SMC3: variants seen among roughly 807,000 people sequenced by gnomAD.
SMC3 encodes the protein structural maintenance of chromosomes 3.
In SMC3, 20 loss-of-function variants were observed where a neutral mutation model predicts 171.8. That is an observed-to-expected ratio of 0.12 (90% CI 0.08 to 0.17). The LOEUF (loss-of-function observed/expected upper bound fraction) is 0.17. Among genes scored for constraint, SMC3 ranks in the 10% least tolerant of loss-of-function variants. The pLI is 1.00. For missense variants in SMC3, 543 were observed against 1,420.4 expected (o/e 0.38, Z 9.93); for synonymous variants, 464 against 451.1 (o/e 1.03, Z -0.36).
Position 110,581,901 on chromosome 10 carries a change from C to G in SMC3, c.548-22C>G, listed in dbSNP as rs373665770. 345 of 1,598,092 alleles carry G rather than the reference C, an allele frequency of 2.2e-4. 1 individual carries two copies. The highest frequency in any genetic ancestry group is 2.9e-4 in the Non-Finnish European group (336 of 1,166,350). ...TAAAAATCTTATTCAATTCTTCCAC[C>G]TCTCTCCCCATTTCTTTTAAGAGGG... On this transcript the variant is annotated intron_variant, in intron 8 of 28. Coordinates refer to ENST00000361804, the MANE Select transcript of SMC3 (RefSeq NM_005445.4).
rs1319128038 is a variant in SMC3, at chr10:110,584,321, A to G, written c.1230A>G (p.Lys410=). The change falls in exon 13 of 29, where the codon AAA becomes AAG. Residue 410 remains lysine, a synonymous_variant. Transcript: ENST00000361804. ...TAGATCAGGCTATTAATGACAAGAA[A>G]AGACAGATTGCTGCTATACATAAGG... is the stretch of plus-strand genomic sequence containing the variant. The part of the protein sequence containing the change: ...KSLDQAINDK[K]RQIAAIHKDL... 1.2e-6 allele frequency: 2 copies of G among 1,614,078 alleles called. No homozygotes were observed. The highest frequency in any genetic ancestry group is 2.2e-5 in the East Asian group (1 of 44,862).
chr10:110,580,065 TAAG>T (rs899416558), intron 7 of SMC3, among the ~76,000 whole-genome samples: 1 of 152,136 alleles, frequency 6.6e-6, no homozygotes, highest in Non-Finnish European at 1.5e-5. Flanking sequence ...AACAGTACAA[TAAG>T]AAATAATACA....
intron 1 of SMC3, 54 bp downstream of exon 1, chr10:110,567,885 G>C: frequency 6.2e-7 from 1 of 1,606,820 alleles, no homozygotes; most frequent in South Asian, 1.1e-5. Flanking sequence ...GCCGCTCCTT[G>C]AGGCGGGAGT....
At position 110,601,839 on chromosome 10, in the gene SMC3, T is replaced by G; in HGVS notation, c.2847T>G (p.Leu949=). 6.2e-7 allele frequency: 1 copy of G among 1,613,946 alleles called. No homozygotes were observed. Among genetic ancestry groups the G allele is most frequent in the Non-Finnish European group, 8.5e-7 (1 of 1,179,926 alleles). Residue 949 remains leucine (L), a synonymous_variant, in exon 24 of 29, where the codon CTT becomes CTG. Coordinates refer to ENST00000361804, the MANE Select transcript of SMC3 (RefSeq NM_005445.4). ...CMKKIRELGS[L]PQEAFEKYQT... The stretch of plus-strand genomic sequence containing the variant: ...AGAAAATTCGAGAACTTGGATCACT[T>G]CCCCAGGAAGCATTTGAAAAGTACC...
chr10:110,577,733 T>C (rs1229983246), intron 5 of SMC3, 102 bp from the exon 6 acceptor site: 2 of 819,020 alleles, frequency 2.4e-6, no homozygotes, highest in Admixed American at 5.3e-5. Context: ...TAATTGAAAT[T>C]TTAAAATAAA....
chr10:110,568,645 G>A (rs1325274023), intron 1 of SMC3, among the ~76,000 whole-genome samples: 1 of 152,074 alleles, frequency 6.6e-6, no homozygotes, highest in Non-Finnish European at 1.5e-5. Flanking sequence ...AGCGTTTAGG[G>A]TTCAGTTAAG....
At chr10:110,568,392 C>T (rs974353699) in intron 1 of SMC3, 1 of 169,380 alleles carries the variant, frequency 5.9e-6, no homozygotes, top group Admixed American at 5.9e-5. Flanking sequence ...CGCCGCCTCC[C>T]TCGGTTGTTT....
chr10:110,574,214 ATCT>A (rs1860914304), intron 3 of SMC3, among the ~76,000 whole-genome samples: 1 of 152,220 alleles, frequency 6.6e-6, no homozygotes, highest in African/African-American at 2.4e-5. Context: ...TAAACCAATC[ATCT>A]TTGTAAAGGA....
intron 5 of SMC3, 99 bp from the exon 6 acceptor site, chr10:110,577,736 A>G (rs777346320): frequency 1.1e-4 from 91 of 825,612 alleles, no homozygotes; most frequent in Non-Finnish European, 1.6e-4. Context: ...TTGAAATTTT[A>G]AAATAAATAC....
In SMC3 at chr10:110,590,575, TA is replaced by T. The variant is rs760937213; in HGVS notation, c.1670+6del. On this transcript the variant is annotated splice_donor_region_variant and intron_variant, in intron 16 of 28. Transcript: ENST00000361804. ...GTGGAAGTCACTGCTGGAAACAGGTTAAAGCTTTTGCTTGATATTTAGCATT... is the reference window on the plus strand; with the variant it reads ...GTGGAAGTCACTGCTGGAAACAGGTTAAGCTTTTGCTTGATATTTAGCATT... 1.9e-5 allele frequency: 30 copies of T among 1,613,720 alleles called. 1 individual carries two copies. The East Asian group carries it at 6.5e-4, about 35-fold the overall frequency.
In SMC3 at chr10:110,602,590, T is replaced by C; in HGVS notation, c.3222T>C (p.Ser1074=). ...AGTCTCAAGATGAAGGAGAAGGGAG[T>C]GGTGAGAGTGAGAGGGGTTCTGGCT... ...GSQSQDEGEG[S]GESERGSGSQ... The change falls in exon 26 of 29, where the codon AGT becomes AGC. Residue 1074 remains serine, a synonymous_variant. Transcript: ENST00000361804. The C allele has an allele frequency of 6.2e-7, 1 of 1,613,220 alleles. No homozygotes were observed. The highest frequency in any genetic ancestry group is 1.1e-5 in the South Asian group (1 of 91,036).
In SMC3 at chr10:110,602,734, A is replaced by C; in HGVS notation, c.3297+69A>C. On this transcript the variant is annotated intron_variant, in intron 26 of 28. Coordinates refer to ENST00000361804, the MANE Select transcript of SMC3 (RefSeq NM_005445.4). ...ATAGAATTTATAGTATCTTTTGCAA[A>C]TCTGATTGGTGCATTATATGCAAGT... The C allele has an allele frequency of 5.1e-6, 8 of 1,570,946 alleles. No individual in the cohort carries two copies. The South Asian group carries it at 8.9e-5, about 17-fold the overall frequency.
At chr10:110,584,520 CT>C in intron 13 of SMC3, 124 bp downstream of exon 13, 1 of 689,418 alleles carries the variant, frequency 1.5e-6, no homozygotes, top group African/African-American at 1.8e-5. Context: ...ATGACAGATA[CT>C]TATTTAGAAA....
chr10:110,595,186 G>T (rs1441667990), intron 18 of SMC3, among the ~76,000 whole-genome samples: 1 of 151,850 alleles, frequency 6.6e-6, no homozygotes, highest in African/African-American at 2.4e-5. Context: ...CTCTATGTTG[G>T]TCAGGCTGGT....
At chr10:110,580,368 G>C (rs909507149) in intron 7 of SMC3, among the ~76,000 whole-genome samples, 1 of 152,156 alleles carries the variant, frequency 6.6e-6, no homozygotes, top group Admixed American at 6.5e-5. Context: ...TGAGAATGGA[G>C]CTCATCTTTT....
rs117962897 is a variant in SMC3, at chr10:110,569,142, A to G, written c.91+129A>G. 2.4e-5 allele frequency: 17 copies of G among 708,184 alleles called. No homozygotes were observed. In the East Asian group the frequency reaches 4.3e-4, roughly 18 times the overall value. 43.9% of individuals were successfully genotyped at this position (708,184 alleles called of 1,614,324 possible). A position where few individuals can be genotyped will look rare whatever the true frequency, so the allele number is the denominator to read the frequency against. On this transcript the variant is annotated intron_variant, in intron 2 of 28. Coordinates refer to ENST00000361804, the MANE Select transcript of SMC3 (RefSeq NM_005445.4). ...ATTAAGTTATATTTTTCTGCGTGAAATAACTTTTCTGTCTTATTGCACTGA... is the reference window on the plus strand; with the variant it reads ...ATTAAGTTATATTTTTCTGCGTGAAGTAACTTTTCTGTCTTATTGCACTGA...
rs1378559483 is a variant in SMC3, at chr10:110,601,951, A to G, written c.2893-15A>G. 4.3e-6 allele frequency: 7 copies of G among 1,610,222 alleles called. No homozygotes were observed. Among genetic ancestry groups the G allele is most frequent in the African/African-American group, 4.0e-5 (3 of 74,740 alleles). ...TATAAATTTATTTATATGAATACAT[A>G]TTTTCTCTTTATAGTTGTTTCGAAA... is the stretch of plus-strand genomic sequence containing the variant. On this transcript the variant is annotated splice_polypyrimidine_tract_variant and intron_variant, in intron 24 of 28. Transcript: ENST00000361804.
At chr10:110,600,140 T>A (rs1861363439) in intron 21 of SMC3, among the ~76,000 whole-genome samples, 1 of 152,212 alleles carries the variant, frequency 6.6e-6, no homozygotes, top group Non-Finnish European at 1.5e-5. Context: ...GATCAAGCAT[T>A]TTAATTGATT....
At chr10:110,603,332 A>G (rs774890114) in intron 28 of SMC3, 42 bp downstream of exon 28, 199 of 1,230,102 alleles carry the variant, frequency 1.6e-4, no homozygotes, top group Non-Finnish European at 2.3e-4. Flanking sequence ...TATTTATTCA[A>G]TTATATTTGT....
Sources: allele counts gnomAD v4.1 joint callset (sites outside exome capture counted in the v4.1 genomes callset), GRCh38; gene constraint gnomAD v4.1.1; transcripts MANE v1.5; gene names NCBI Gene and HGNC (gene_info 2026-07-23, HGNC 2026-07-21).